RSRC1: variants seen among roughly 807,000 people sequenced by gnomAD.
RSRC1 encodes serine/Arginine-related protein 53.
Under a neutral mutation model 49.1 loss-of-function variants are expected in RSRC1, and 39 were observed. The ratio of observed to expected loss-of-function variants is 0.79; its 90% CI spans 0.61 to 1.04. The LOEUF (loss-of-function observed/expected upper bound fraction) is 1.04. RSRC1 is among the 50% of genes least tolerant of loss of function. The pLI, the probability that RSRC1 is intolerant of heterozygous loss-of-function variation, is 0.00. For synonymous variants in RSRC1, 143 were observed against 130.8 expected (o/e 1.09, Z -0.63); for missense variants, 388 against 402.4 (o/e 0.96, Z 0.31).
intron 4 of RSRC1, among the ~76,000 whole-genome samples, chr3:158,292,045 C>T (rs1283118724): frequency 6.6e-6 from 1 of 152,184 alleles, no homozygotes; most frequent in Non-Finnish European, 1.5e-5. Context: ...GGCATCTTCT[C>T]ACGCCTAAGA....
At chr3:158,504,752 A>G (rs1739776632) in intron 7 of RSRC1, among the ~76,000 whole-genome samples, 1 of 152,234 alleles carries the variant, frequency 6.6e-6, no homozygotes, top group African/African-American at 2.4e-5. Flanking sequence ...GGCTATATAA[A>G]TACAAAATCT....
intron 4 of RSRC1, among the ~76,000 whole-genome samples, chr3:158,221,945 G>A (rs1277929310): frequency 6.6e-6 from 1 of 151,482 alleles, no homozygotes; most frequent in Non-Finnish European, 1.5e-5. Flanking sequence ...GTATTTGGCT[G>A]TTATAGATAT....
chr3:158,408,498 A>G (rs1734267086), intron 6 of RSRC1, among the ~76,000 whole-genome samples: 1 of 152,186 alleles, frequency 6.6e-6, no homozygotes, highest in South Asian at 2.1e-4. Context: ...CGTTATAGCT[A>G]AGGAATAAGG....
intron 5 of RSRC1, among the ~76,000 whole-genome samples, chr3:158,334,471 T>A (rs2108201718): frequency 7.3e-6 from 1 of 136,444 alleles, no homozygotes; most frequent in South Asian, 2.4e-4. Context: ...AAGGTCTCAA[T>A]TTCTAACAGG....
At chr3:158,507,887 A>G (rs969254892) in intron 7 of RSRC1, among the ~76,000 whole-genome samples, 13 of 152,100 alleles carry the variant, frequency 8.5e-5, no homozygotes, top group African/African-American at 3.1e-4. Context: ...AGCCTAGGTA[A>G]CATAGTGAGA....
intron 7 of RSRC1, among the ~76,000 whole-genome samples, chr3:158,482,942 C>A (rs186177895): frequency 2.0e-4 from 30 of 152,046 alleles, no homozygotes; most frequent in African/African-American, 6.5e-4. Flanking sequence ...CCCCCTCCTG[C>A]TGGTTTGCTG....
chr3:158,445,000 A>C (rs1220148381), intron 6 of RSRC1, among the ~76,000 whole-genome samples: 2 of 152,138 alleles, frequency 1.3e-5, no homozygotes, highest in South Asian at 2.1e-4. Flanking sequence ...AAAGTCAGGA[A>C]ACAACAGGTG....
At chr3:158,209,779 C>T (rs1721558457) in intron 4 of RSRC1, among the ~76,000 whole-genome samples, 1 of 151,926 alleles carries the variant, frequency 6.6e-6, no homozygotes, top group South Asian at 2.1e-4. Context: ...AAGAATTTGC[C>T]TCTGGATATA....
In RSRC1 at chr3:158,228,865, A is replaced by ATGTATATAAACACATACGTGTATG. The variant is rs1395768176; in HGVS notation, c.494+25642_494+25643insTGTGTATATAAACACATACGTGTA. On this transcript the variant is annotated intron_variant, in intron 4 of 9. Coordinates refer to ENST00000611884, the MANE Select transcript of RSRC1 (RefSeq NM_001271838.2). Reference sequence around the variant, plus strand: ...TATATAAACACACATACGTGTATATATGTATATAAACACATACGTGTAATG... The same window carrying ATGTATATAAACACATACGTGTATG: ...TATATAAACACACATACGTGTATATATGTATATAAACACATACGTGTATGTGTATATAAACACATACGTGTAATG... 3.3e-5 allele frequency among the ~76,000 whole-genome samples: 2 copies of ATGTATATAAACACATACGTGTATG among 60,012 alleles called. 1 individual carries two copies. The highest frequency in any genetic ancestry group is 6.1e-5 in the Non-Finnish European group (2 of 32,784). The allele number at this position is 60,012 out of a possible 152,430, so 39.4% of individuals were successfully genotyped here. A position where few individuals can be genotyped will look rare whatever the true frequency, so the allele number is the denominator to read the frequency against.
intron 6 of RSRC1, among the ~76,000 whole-genome samples, chr3:158,430,380 C>G (rs9870802): frequency 0.52 from 78,282 of 151,626 alleles, 20,632 homozygotes; most frequent in South Asian, 0.6. Flanking sequence ...TGGAGCTGAT[C>G]TGCCAGTTTT....
At chr3:158,134,547 T>C (rs1025199789) in intron 3 of RSRC1, among the ~76,000 whole-genome samples, 3 of 152,202 alleles carry the variant, frequency 2.0e-5, no homozygotes, top group African/African-American at 7.2e-5. Context: ...GAATAGCAAA[T>C]GAAAGATGCC....
At position 158,486,015 on chromosome 3, in the gene RSRC1, G is replaced by A. The variant is rs546194473; in HGVS notation, c.652+25012G>A. ...AAAATCATAACGTTCATTCAAAAGT[G>A]CTTGCTTGACTATTTAACAGCCATA... On this transcript the variant is annotated intron_variant, in intron 7 of 9. Transcript: ENST00000611884. Among the ~76,000 whole-genome samples the A allele has an allele frequency of 2.6e-5, 4 of 152,206 alleles. No individual in the cohort carries two copies. The East Asian group carries it at 5.8e-4, about 22-fold the overall frequency.
chr3:158,250,683 G>C (rs1362874237), intron 4 of RSRC1, among the ~76,000 whole-genome samples: 1 of 151,948 alleles, frequency 6.6e-6, no homozygotes, highest in African/African-American at 2.4e-5. Context: ...TTTTCATATT[G>C]AGGTTATTGA....
intron 6 of RSRC1, among the ~76,000 whole-genome samples, chr3:158,408,420 T>C (rs971405234): frequency 2.0e-5 from 3 of 152,178 alleles, no homozygotes; most frequent in Non-Finnish European, 2.9e-5. Context: ...GAAATGGTAA[T>C]GCAGACATAG....
chr3:158,259,016 A>G (rs959603802), intron 4 of RSRC1, among the ~76,000 whole-genome samples: 6 of 152,108 alleles, frequency 3.9e-5, no homozygotes, highest in African/African-American at 1.4e-4. Flanking sequence ...ATTCTGTCTG[A>G]AAGGTTATGT....
chr3:158,303,892 C>T (rs947089782), intron 5 of RSRC1, among the ~76,000 whole-genome samples: 1 of 152,094 alleles, frequency 6.6e-6, no homozygotes, highest in Non-Finnish European at 1.5e-5. Context: ...GACACTAGGA[C>T]TAATAATACC....
rs894327179 is a variant in RSRC1 at position 158,455,756 on chromosome 3, G to T, written c.584-5179G>T. On this transcript the variant is annotated intron_variant, in intron 6 of 9. Coordinates refer to ENST00000611884, the MANE Select transcript of RSRC1 (RefSeq NM_001271838.2). ...GCACTTTGGGAGGCCGAGACAAGCGGATCACCTGAGGTCAGGAGTTCACGA... is the reference window on the plus strand; with the variant it reads ...GCACTTTGGGAGGCCGAGACAAGCGTATCACCTGAGGTCAGGAGTTCACGA... Among the ~76,000 whole-genome samples, 17 of 152,068 alleles carry T rather than the reference G, an allele frequency of 1.1e-4. 1 individual carries two copies. The highest frequency in any genetic ancestry group is 3.9e-4 in the African/African-American group (16 of 41,468).
chr3:158,278,831 C>T (rs1394220359), intron 4 of RSRC1, among the ~76,000 whole-genome samples: 3 of 152,096 alleles, frequency 2.0e-5, no homozygotes, highest in African/African-American at 7.2e-5. Flanking sequence ...TGAAGAAATT[C>T]TGCTGTGATG....
At chr3:158,274,183 A>G (rs909309238) in intron 4 of RSRC1, among the ~76,000 whole-genome samples, 8 of 152,138 alleles carry the variant, frequency 5.3e-5, no homozygotes, top group African/African-American at 1.9e-4. Flanking sequence ...GTTTAGAAAT[A>G]TGAATTTTAG....
Sources: allele counts gnomAD v4.1 joint callset (sites outside exome capture counted in the v4.1 genomes callset), GRCh38; gene constraint gnomAD v4.1.1; transcripts MANE v1.5; gene names NCBI Gene and HGNC (gene_info 2026-07-23, HGNC 2026-07-21).